The following DDX27 variants were observed in gnomAD, a reference collection of about 807,000 sequenced individuals.
DDX27 encodes the protein probable ATP-dependent RNA helicase DDX27.
Under a neutral mutation model 99.3 loss-of-function variants are expected in DDX27, and 42 were observed. The ratio of observed to expected loss-of-function variants is 0.42; its 90% CI spans 0.33 to 0.55. DDX27 has a LOEUF of 0.55. Ranked by LOEUF, DDX27 falls within the 20% of genes least tolerant of loss-of-function variation. The probability of loss-of-function intolerance (pLI) is 0.07; values close to 1 mark genes in which losing one functional copy is unlikely to be tolerated. For missense variants in DDX27, 798 were observed against 976.8 expected, an observed-to-expected ratio of 0.82 and a Z score of 2.44; for synonymous variants, 329 against 353.8, an observed-to-expected ratio of 0.93 and a Z score of 0.79.
chr20:49,243,553 C>A, intron 19 of DDX27, 76 bp from the exon 20 acceptor site: 2 of 1,289,020 alleles, frequency 1.6e-6, no homozygotes, highest in Non-Finnish European at 2.3e-6. Flanking sequence ...CATGTAGGAG[C>A]TGGGGAGGGT....
In DDX27 at chr20:49,222,951, C is replaced by T; in HGVS notation, c.241-6C>T. The T allele has an allele frequency of 1.2e-6, 2 of 1,600,510 alleles. No homozygotes were observed. The highest frequency in any genetic ancestry group is 1.7e-6 in the Non-Finnish European group (2 of 1,174,298). On this transcript the variant is annotated splice_polypyrimidine_tract_variant and splice_region_variant and intron_variant, in intron 2 of 20. Coordinates refer to ENST00000618172, the MANE Select transcript of DDX27 (RefSeq NM_017895.8). The stretch of plus-strand genomic sequence containing the variant: ...TTCTTTTTCACCTCTTTATTTTTAT[C>T]TGCAGAGGGCAGCCACTACATTAGA...
chr20:49,227,487 C>T (rs1358965910), intron 7 of DDX27, among the ~76,000 whole-genome samples: 1 of 152,058 alleles, frequency 6.6e-6, no homozygotes, highest in African/African-American at 2.4e-5. Context: ...CTGCCTCAGC[C>T]TCCCCAGTAG....
At position 49,243,856 on chromosome 20, in the gene DDX27, C is replaced by G. The variant is rs1020251470; in HGVS notation, c.*22C>G. On this transcript the variant is annotated 3_prime_UTR_variant, in exon 21 of 21. Transcript: ENST00000618172. ...GTAGCTGTCGTGGCCTGAAGAAATT[C>G]ATGGGGGCAGCCCTTAAATCCCTTC... 3 of 1,613,862 alleles carry G rather than the reference C, an allele frequency of 1.9e-6. No individual in the cohort carries two copies. Among genetic ancestry groups the G allele is most frequent in the Admixed American group, 1.7e-5 (1 of 59,972 alleles).
chr20:49,234,987 G>A lies in DDX27; in HGVS notation c.1326G>A (p.Lys442=). The part of the protein sequence containing the change: ...TDHVMLFTQT[K]KQAHRMHILL... ...ATGTGATGCTGTTCACGCAAACCAA[G>A]AAGCAGGCCCACCGCATGCACATCC... The change falls in exon 12 of 21, where the codon AAG becomes AAA. Residue 442 remains lysine (K), a synonymous_variant. Transcript: ENST00000618172. 1 of 1,613,376 alleles carries A rather than the reference G, an allele frequency of 6.2e-7. No homozygotes were observed. The highest frequency in any genetic ancestry group is 8.5e-7 in the Non-Finnish European group (1 of 1,179,662).
rs201596939 is a variant in DDX27, at chr20:49,228,769, G to A, written c.761G>A (p.Arg254His). Residue 254 changes from arginine to histidine, a missense_variant, in exon 8 of 21, where the codon CGC becomes CAC. Transcript: ENST00000618172. ...PVLERLIYKPRQAPVTRVLVL... is the reference protein window; with the variant it reads ...PVLERLIYKPHQAPVTRVLVL... ...TTGGAGCGTCTGATTTATAAACCCC[G>A]CCAGGCTCCAGTCACCCGCGTGCTG... 8.7e-5 allele frequency: 140 copies of A among 1,612,638 alleles called. No homozygotes were observed. The highest frequency in any genetic ancestry group is 3.3e-4 in the Middle Eastern group (2 of 6,074).
intron 8 of DDX27, 106 bp from the exon 9 acceptor site, chr20:49,230,093 G>T (rs1379896935): frequency 1.5e-6 from 2 of 1,300,840 alleles, no homozygotes; most frequent in Admixed American, 2.7e-5. Context: ...TACTCTCTCA[G>T]TGGTTTTCTC....
intron 16 of DDX27, among the ~76,000 whole-genome samples, chr20:49,240,775 G>C (rs1051548619): frequency 6.6e-6 from 1 of 151,994 alleles, no homozygotes; most frequent in Non-Finnish European, 1.5e-5. Context: ...CATATGAGTA[G>C]ATTGTTGAGG....
intron 8 of DDX27, 22 bp downstream of exon 8, chr20:49,228,910 G>GC: frequency 6.4e-7 from 1 of 1,564,758 alleles, no homozygotes; most frequent in Non-Finnish European, 8.7e-7. Flanking sequence ...GCCAAGGGCT[G>GC]CCAGCCCCTG....
intron 11 of DDX27, 133 bp downstream of exon 11, chr20:49,233,842 C>G: frequency 2.1e-6 from 2 of 964,020 alleles, no homozygotes. Context: ...CTGCACTGCA[C>G]TAATGATGAT....
In DDX27 at chr20:49,242,075, C is replaced by T. The variant is rs746673257; in HGVS notation, c.1993-8C>T. ...TGTTCCACACTCACACCTCCCCACT[C>T]CCCCTAGGCAGAGGAAAGGTCTCAG... On this transcript the variant is annotated splice_polypyrimidine_tract_variant and splice_region_variant and intron_variant, in intron 17 of 20. Transcript: ENST00000618172. 7 of 1,614,226 alleles carry T rather than the reference C, an allele frequency of 4.3e-6. 1 individual carries two copies. The South Asian group carries it at 7.7e-5, about 18-fold the overall frequency.
intron 8 of DDX27, among the ~76,000 whole-genome samples, 160 bp from the exon 9 acceptor site, chr20:49,230,039 A>C (rs1211346422): frequency 1.3e-5 from 2 of 151,920 alleles, no homozygotes; most frequent in African/African-American, 4.8e-5. Flanking sequence ...TGTCTTTCCC[A>C]GTGCGTTTCT....
At position 49,221,515 on chromosome 20, in the gene DDX27, C is replaced by T. The variant is rs1390534824; in HGVS notation, c.157C>T (p.Pro53Ser). Residue 53 changes from proline to serine, a missense_variant, in exon 2 of 21, where the codon CCT becomes TCT. Pro to Ser is a moderately conservative substitution (Grantham distance 74). Around this residue, in one of 2 missense-constraint regions of DDX27, gnomAD observed 245 missense variants for 248.8 expected, o/e 0.98. Coordinates refer to ENST00000618172, the MANE Select transcript of DDX27 (RefSeq NM_017895.8). Reference sequence around the variant, plus strand: ...GAAGAACCGCAGTGCTGATTTCAACCCTGATTTCGTTTTCACTGAGAAGGA... The same window carrying T: ...GAAGAACCGCAGTGCTGATTTCAACTCTGATTTCGTTTTCACTGAGAAGGA... ...LGKNRSADFN[P>S]DFVFTEKEGT... The T allele has an allele frequency of 8.7e-6, 14 of 1,613,706 alleles. No homozygotes were observed. Among genetic ancestry groups the T allele is most frequent in the Admixed American group, 1.7e-5 (1 of 59,976 alleles).
At chr20:49,235,118 CA>C in intron 12 of DDX27, 30 bp downstream of exon 12, 1 of 1,562,026 alleles carries the variant, frequency 6.4e-7, no homozygotes, top group Non-Finnish European at 8.7e-7. Context: ...CTGAGGCTCC[CA>C]CCATCCTTCT....
rs562225999 is a variant in DDX27 at position 49,221,123 on chromosome 20, G to A, written c.94-329G>A. On this transcript the variant is annotated intron_variant, in intron 1 of 20. Transcript: ENST00000618172. ...ACTACAGGCATGCGCCACCACGCCC[G>A]GCTAATTTTTGTATTTTTAGTAGAG... Among the ~76,000 whole-genome samples, 689 of 152,210 alleles carry A rather than the reference G, an allele frequency of 4.5e-3. 6 individuals are homozygous for A. The highest frequency in any genetic ancestry group is 0.016 in the African/African-American group (649 of 41,530).
intron 6 of DDX27, among the ~76,000 whole-genome samples, chr20:49,225,453 CTTTTTTTT>C (rs772387461): frequency 9.3e-6 from 1 of 107,268 alleles, no homozygotes; most frequent in Non-Finnish European, 1.8e-5. Context: ...AGAGAACTCC[CTTTTTTTT>C]TTTTTTTTTT....
intron 16 of DDX27, 29 bp from the exon 17 acceptor site, chr20:49,241,864 T>C (rs1344827791): frequency 3.1e-6 from 5 of 1,608,006 alleles, no homozygotes; most frequent in Non-Finnish European, 4.3e-6. Context: ...AAATCATCCC[T>C]GAAATCTTAT....
At chr20:49,229,029 ACT>A in intron 8 of DDX27, 141 bp downstream of exon 8, 55 of 535,096 alleles carry the variant, frequency 1.0e-4, no homozygotes, top group Non-Finnish European at 1.4e-4. Context: ...AAACTGGAAG[ACT>A]TTTTTTTTTT....
chr20:49,230,427 G>A (rs1980066620), intron 9 of DDX27, 78 bp downstream of exon 9: 2 of 1,491,464 alleles, frequency 1.3e-6, no homozygotes, highest in East Asian at 2.3e-5. Context: ...GCCACACTGC[G>A]TTATTCTTTG....
intron 9 of DDX27, among the ~76,000 whole-genome samples, chr20:49,232,490 G>A (rs1359953642): frequency 2.0e-5 from 3 of 152,072 alleles, no homozygotes; most frequent in Non-Finnish European, 4.4e-5. Flanking sequence ...TTAGCCGGGT[G>A]CGGTGGCTCA....
Sources: allele counts gnomAD v4.1 joint callset (sites outside exome capture counted in the v4.1 genomes callset), GRCh38; gene constraint gnomAD v4.1.1; regional missense constraint gnomAD v4.1.1; transcripts MANE v1.5; gene names NCBI Gene and HGNC (gene_info 2026-07-23, HGNC 2026-07-21).